CACNA2D1: variants seen among roughly 807,000 people sequenced by gnomAD.
The protein encoded by CACNA2D1 is voltage-dependent calcium channel subunit alpha-2/delta-1.
A neutral mutation model predicts 171.5 loss-of-function variants in CACNA2D1; 53 were observed. The observed-to-expected ratio is 0.31, with a 90% confidence interval of 0.25 to 0.39. CACNA2D1 has a LOEUF of 0.39. CACNA2D1 is among the 10% of genes least tolerant of loss of function. CACNA2D1 has a pLI of 1.00. For synonymous variants in CACNA2D1, 442 were observed against 443.1 expected, an observed-to-expected ratio of 1.00 and a Z score of 0.03; for missense variants, 903 against 1,299.8, an observed-to-expected ratio of 0.69 and a Z score of 4.69.
intron 12 of CACNA2D1, among the ~76,000 whole-genome samples, chr7:82,025,523 TTTTG>T (rs753182408): frequency 2.0e-5 from 3 of 151,686 alleles, no homozygotes; most frequent in Non-Finnish European, 4.4e-5. Flanking sequence ...TGTTACTGAA[TTTTG>T]TTTATTTGTT....
intron 4 of CACNA2D1, among the ~76,000 whole-genome samples, chr7:82,168,965 T>C (rs772393359): frequency 2.6e-5 from 4 of 152,054 alleles, no homozygotes; most frequent in Non-Finnish European, 4.4e-5. Context: ...CCAAGGGTAT[T>C]ATATCTATGC....
chr7:82,178,918 A>C (rs2129165322), intron 3 of CACNA2D1, among the ~76,000 whole-genome samples: 1 of 152,214 alleles, frequency 6.6e-6, no homozygotes, highest in East Asian at 1.9e-4. Flanking sequence ...GCATTCAGTA[A>C]GTGTGTATGG....
At chr7:82,083,633 T>C (rs1286726641) in intron 7 of CACNA2D1, among the ~76,000 whole-genome samples, 2 of 152,068 alleles carry the variant, frequency 1.3e-5, no homozygotes, top group African/African-American at 4.8e-5. Context: ...TATAACTCAT[T>C]TTTTCAATAT....
chr7:82,012,056 T>G, intron 15 of CACNA2D1, 98 bp downstream of exon 15: 1 of 813,582 alleles, frequency 1.2e-6, no homozygotes, highest in Admixed American at 1.8e-5. Flanking sequence ...GGGGAGGGTT[T>G]AATGAAAAGG....
intron 20 of CACNA2D1, among the ~76,000 whole-genome samples, chr7:81,993,133 T>C (rs1249260824): frequency 6.6e-6 from 1 of 152,146 alleles, no homozygotes; most frequent in Non-Finnish European, 1.5e-5. Flanking sequence ...ATTTATTCTA[T>C]ACACTTACAA....
intron 1 of CACNA2D1, among the ~76,000 whole-genome samples, chr7:82,435,030 C>CTTTTTTTTTTT (rs764179836): frequency 1.2e-5 from 1 of 84,344 alleles, no homozygotes; most frequent in African/African-American, 4.7e-5. Context: ...TCTTCAGATA[C>CTTTTTTTTTTT]TTTTTTTTTT....
chr7:82,068,489 T>A (rs1807930389), intron 7 of CACNA2D1, among the ~76,000 whole-genome samples: 1 of 152,188 alleles, frequency 6.6e-6, no homozygotes, highest in Non-Finnish European at 1.5e-5. Context: ...TTACACATTA[T>A]ATAATATTAT....
chr7:82,057,025 C>A (rs1805986985), intron 10 of CACNA2D1, among the ~76,000 whole-genome samples: 1 of 152,178 alleles, frequency 6.6e-6, no homozygotes, highest in South Asian at 2.1e-4. Flanking sequence ...ACAACTAAGG[C>A]TCCAGCTTAC....
chr7:82,186,255 A>AAGAAAGGAAGGAAGGAAGGAAGG (rs1563174157), intron 3 of CACNA2D1, among the ~76,000 whole-genome samples: 4 of 111,424 alleles, frequency 3.6e-5, no homozygotes, highest in African/African-American at 1.4e-4. Flanking sequence ...AGGAAGGAAG[A>AAGAAAGGAAGGAAGGAAGGAAGG]AAGGAAGGAA....
At chr7:81,964,438 G>A in intron 32 of CACNA2D1, 79 bp from the exon 33 acceptor site, 2 of 1,120,732 alleles carry the variant, frequency 1.8e-6, no homozygotes, top group African/African-American at 1.6e-5. Context: ...CCACTACAGT[G>A]AAAAGAAATA....
intron 1 of CACNA2D1, among the ~76,000 whole-genome samples, chr7:82,389,431 G>A (rs79062489): frequency 0.012 from 1,751 of 152,040 alleles, 64 homozygotes; most frequent in East Asian, 0.069. Flanking sequence ...TACGTATTAC[G>A]CATGCTCTGA....
chr7:82,124,974 C>G (rs1421668391), intron 5 of CACNA2D1, among the ~76,000 whole-genome samples: 1 of 151,880 alleles, frequency 6.6e-6, no homozygotes, highest in Non-Finnish European at 1.5e-5. Context: ...GATGCATATC[C>G]CTACTAGCTT....
rs1229777228 is a variant in CACNA2D1, at chr7:82,140,611, TCAC to T, written c.355-3938_355-3936del. On this transcript the variant is annotated intron_variant, in intron 4 of 38. Coordinates refer to ENST00000356860, the MANE Select transcript of CACNA2D1 (RefSeq NM_000722.4). The stretch of plus-strand genomic sequence containing the variant: ...ATATTCAAAGAGCACTTAATTTATA[TCAC>T]CACATCAAAATATTTTCCAAGTCTC... Among the ~76,000 whole-genome samples, 4 of 152,094 alleles carry T rather than the reference TCAC, an allele frequency of 2.6e-5. No individual in the cohort carries two copies. In the East Asian group the frequency reaches 7.7e-4, roughly 29 times the overall value.
chr7:81,972,089 CA>C (rs562622356), intron 25 of CACNA2D1, among the ~76,000 whole-genome samples: 60 of 151,436 alleles, frequency 4.0e-4, no homozygotes, highest in African/African-American at 1.4e-3. Context: ...CTAAATGAGC[CA>C]AATTATTTTG....
chr7:82,374,509 A>C (rs948640542), intron 1 of CACNA2D1, among the ~76,000 whole-genome samples: 9 of 152,262 alleles, frequency 5.9e-5, no homozygotes, highest in African/African-American at 2.2e-4. Flanking sequence ...GCTCCTCCTA[A>C]GCTTTGATCC....
chr7:82,070,548 C>T (rs1808203426), intron 7 of CACNA2D1, among the ~76,000 whole-genome samples: 1 of 152,118 alleles, frequency 6.6e-6, no homozygotes. Flanking sequence ...CACTTGGATT[C>T]CAAGGGCATC....
intron 6 of CACNA2D1, among the ~76,000 whole-genome samples, chr7:82,093,328 T>C (rs1052029140): frequency 2.6e-5 from 4 of 152,206 alleles, no homozygotes; most frequent in African/African-American, 9.6e-5. Flanking sequence ...TGTTACCTGC[T>C]CTCATCATTA....
At chr7:82,165,429 G>C (rs1221500384) in intron 4 of CACNA2D1, among the ~76,000 whole-genome samples, 1 of 151,952 alleles carries the variant, frequency 6.6e-6, no homozygotes, top group Non-Finnish European at 1.5e-5. Context: ...TGTTAACTGT[G>C]AAACCAGTGT....
At chr7:82,214,136 C>T (rs1800857296) in intron 3 of CACNA2D1, among the ~76,000 whole-genome samples, 1 of 152,146 alleles carries the variant, frequency 6.6e-6, no homozygotes, top group South Asian at 2.1e-4. Flanking sequence ...AAAGGCCCCA[C>T]TCTTTAATAC....
Sources: allele counts gnomAD v4.1 joint callset (sites outside exome capture counted in the v4.1 genomes callset), GRCh38; gene constraint gnomAD v4.1.1; transcripts MANE v1.5; gene names NCBI Gene and HGNC (gene_info 2026-07-23, HGNC 2026-07-21).